VWA2: variants seen among roughly 807,000 people sequenced by gnomAD.
The protein encoded by VWA2 is von Willebrand factor A domain-containing protein 2.
A neutral mutation model predicts 70.4 loss-of-function variants in VWA2; 73 were observed. The observed-to-expected ratio is 1.04, with a 90% CI of 0.86 to 1.26. VWA2 has a LOEUF of 1.26. Among genes scored for constraint, VWA2 ranks in the 50% most tolerant of loss-of-function variants. The probability of loss-of-function intolerance (pLI) is 0.00; values close to 1 mark genes in which losing one functional copy is unlikely to be tolerated. For missense variants in VWA2, 1,011 were observed against 998.5 expected, an observed-to-expected ratio of 1.01 and a Z score of -0.17; for synonymous variants, 407 against 423.3, an observed-to-expected ratio of 0.96 and a Z score of 0.47.
intron 5 of VWA2, among the ~76,000 whole-genome samples, chr10:114,269,799 G>A (rs1441878935): frequency 1.3e-5 from 2 of 152,104 alleles, no homozygotes; most frequent in Non-Finnish European, 2.9e-5. Flanking sequence ...GGAGGCTTTG[G>A]GGAAAGAAGG....
rs2133716515 is a variant in VWA2 at position 114,290,370 on chromosome 10, G to A, written c.2248+5G>A. 1.3e-6 allele frequency: 2 copies of A among 1,550,466 alleles called. No individual in the cohort carries two copies. The highest frequency in any genetic ancestry group is 2.4e-5 in the South Asian group (2 of 84,048). ...AGGGCCCCCACTGCGAGAACCGTGA[G>A]TGGAGCTCTTGCTCTGTATGTGTGA... is the stretch of plus-strand genomic sequence containing the variant. On this transcript the variant is annotated splice_donor_5th_base_variant and intron_variant, in intron 13 of 13. Coordinates refer to ENST00000392982, the MANE Select transcript of VWA2 (RefSeq NM_001272046.2).
intron 8 of VWA2, 105 bp downstream of exon 8, chr10:114,278,956 G>A: frequency 6.5e-7 from 1 of 1,528,158 alleles, no homozygotes; most frequent in African/African-American, 1.4e-5. Context: ...GATTGTGACA[G>A]GGATCGAAGG....
At chr10:114,271,699 T>G (rs564983609) in intron 5 of VWA2, among the ~76,000 whole-genome samples, 1 of 152,248 alleles carries the variant, frequency 6.6e-6, no homozygotes, top group East Asian at 1.9e-4. Context: ...GAAAAATGAC[T>G]ATAGTTAGGG....
chr10:114,274,280 G>T (rs1471888517), intron 6 of VWA2, among the ~76,000 whole-genome samples: 1 of 152,184 alleles, frequency 6.6e-6, no homozygotes, highest in East Asian at 1.9e-4. Flanking sequence ...CCTTTGGAGG[G>T]TTTTAAGCAG....
In VWA2 at chr10:114,261,188, C is replaced by T; in HGVS notation, c.264C>T (p.Val88=). 1 of 1,610,998 alleles carries T rather than the reference C, an allele frequency of 6.2e-7. No homozygotes were observed. The highest frequency in any genetic ancestry group is 1.1e-5 in the South Asian group (1 of 90,884). ...GAGCCCCCTGTCTCCTACTGCAGGT[C>T]AGAGTGGGAGCATTCCAGTTCAGTT... ...CDGLDISPER[V]RVGAFQFSST... Residue 88 remains valine, a splice_region_variant and synonymous_variant, in exon 5 of 14, where the codon GTC becomes GTT. Coordinates refer to ENST00000392982, the MANE Select transcript of VWA2 (RefSeq NM_001272046.2).
chr10:114,279,756 A>G (rs140380903), intron 8 of VWA2, among the ~76,000 whole-genome samples: 56 of 152,244 alleles, frequency 3.7e-4, no homozygotes, highest in African/African-American at 1.3e-3. Context: ...AATGTGCAAT[A>G]AGAAGACAGT....
intron 12 of VWA2, 76 bp downstream of exon 12, chr10:114,289,565 C>G (rs200698835): frequency 5.9e-6 from 9 of 1,532,032 alleles, no homozygotes; most frequent in South Asian, 1.2e-5. Context: ...TACATCATGA[C>G]GAGGATGGCA....
chr10:114,276,816 G>T (rs2037854957), intron 6 of VWA2, among the ~76,000 whole-genome samples: 1 of 151,712 alleles, frequency 6.6e-6, no homozygotes, highest in Non-Finnish European at 1.5e-5. Flanking sequence ...ACTGCACCTG[G>T]TCTCTTTCCG....
chr10:114,250,563 T>G (rs976097052), intron 2 of VWA2, among the ~76,000 whole-genome samples: 4 of 152,182 alleles, frequency 2.6e-5, no homozygotes, highest in Non-Finnish European at 4.4e-5. Context: ...TGTGTTTCCA[T>G]GAGTAGGTAT....
rs372806939 is a variant in VWA2, at chr10:114,247,376, C to A, written c.-10-1328C>A. Among the ~76,000 whole-genome samples, 4 of 152,208 alleles carry A rather than the reference C, an allele frequency of 2.6e-5. No individual in the cohort carries two copies. The East Asian group carries it at 7.7e-4, about 29-fold the overall frequency. On this transcript the variant is annotated intron_variant, in intron 1 of 13. Coordinates refer to ENST00000392982, the MANE Select transcript of VWA2 (RefSeq NM_001272046.2). ...TGCTCTACCTCCATTTAGGGACTTG[C>A]AACCTCTGCATCCCAGGTTCAAGTG...
chr10:114,245,180 T>C (rs1350579854), intron 1 of VWA2, among the ~76,000 whole-genome samples: 1 of 152,180 alleles, frequency 6.6e-6, no homozygotes, highest in Non-Finnish European at 1.5e-5. Context: ...ATTGCCAACA[T>C]ACATTCTATT....
chr10:114,262,735 C>T (rs953133139), intron 5 of VWA2, among the ~76,000 whole-genome samples: 1 of 152,194 alleles, frequency 6.6e-6, no homozygotes, highest in Non-Finnish European at 1.5e-5. Flanking sequence ...ATCTTAGACT[C>T]TCTATCCCAG....
At chr10:114,248,830 A>G in intron 2 of VWA2, 65 bp downstream of exon 2, 1 of 1,453,826 alleles carries the variant, frequency 6.9e-7, no homozygotes, top group Non-Finnish European at 9.7e-7. Context: ...GCTTGCTTCA[A>G]ATCCTGTTGA....
Position 114,293,719 on chromosome 10 carries a change from C to A in VWA2, c.*2482C>A, listed in dbSNP as rs892270544. Among the ~76,000 whole-genome samples, 2 of 152,170 alleles carry A rather than the reference C, an allele frequency of 1.3e-5. No homozygotes were observed. On this transcript the variant is annotated 3_prime_UTR_variant, in exon 14 of 14. Coordinates refer to ENST00000392982, the MANE Select transcript of VWA2 (RefSeq NM_001272046.2). ...AATTTCCTTATTTTCTCTGAACGAT[C>A]CTGATTCCAGTCATCTTGTTGAATA...
At chr10:114,244,213 C>T (rs1479478718) in intron 1 of VWA2, among the ~76,000 whole-genome samples, 1 of 152,140 alleles carries the variant, frequency 6.6e-6, no homozygotes, top group Admixed American at 6.5e-5. Context: ...TGCCAACGTG[C>T]AGGATTCAGG....
chr10:114,242,021 TC>T (rs748499086), intron 1 of VWA2, among the ~76,000 whole-genome samples: 15 of 151,662 alleles, frequency 9.9e-5, no homozygotes, highest in Admixed American at 4.6e-4. Context: ...GTATTTGAAG[TC>T]CCTTCCTTTG....
chr10:114,273,183 T>G (rs2037750491), intron 6 of VWA2, among the ~76,000 whole-genome samples: 1 of 152,202 alleles, frequency 6.6e-6, no homozygotes. Flanking sequence ...GAAATTTATT[T>G]GGGCAAAAAT....
intron 8 of VWA2, among the ~76,000 whole-genome samples, chr10:114,282,017 C>CATTTTTTTTTTTTTTTTTTT (rs2038178767): frequency 8.4e-6 from 1 of 119,662 alleles, no homozygotes. Context: ...CTTATGTTAC[C>CATTTTTTTTTTTTTTTTTTT]TTTTTTTTTT....
chr10:114,270,278 C>G (rs1045916330), intron 5 of VWA2, among the ~76,000 whole-genome samples: 5 of 152,204 alleles, frequency 3.3e-5, no homozygotes, highest in African/African-American at 1.2e-4. Flanking sequence ...GCCCTGGGTT[C>G]AAGTCCTGCC....
Sources: allele counts gnomAD v4.1 joint callset (sites outside exome capture counted in the v4.1 genomes callset), GRCh38; gene constraint gnomAD v4.1.1; transcripts MANE v1.5; gene names NCBI Gene and HGNC (gene_info 2026-07-23, HGNC 2026-07-21).